EFHC2: variants seen among roughly 807,000 people sequenced by gnomAD.
The protein encoded by EFHC2 is EF-hand domain-containing family member C2.
EFHC2 carries 18 observed loss-of-function variants against 52.7 expected under a neutral mutation model. That is an observed-to-expected ratio of 0.34 (90% CI 0.24 to 0.51). EFHC2 has a LOEUF of 0.51. Among genes scored for constraint, EFHC2 ranks in the 20% least tolerant of loss-of-function variants. The pLI, the probability that EFHC2 is intolerant of heterozygous loss-of-function variation, is 0.97. For missense variants in EFHC2, 513 were observed against 562.5 expected (o/e 0.91, Z 0.89); for synonymous variants, 203 against 204.1 (o/e 0.99, Z 0.04).
At position 44,245,584 on chromosome X, in the gene EFHC2, A is replaced by G. The variant is rs144308934; in HGVS notation, c.1111+2688T>C. The stretch of plus-strand genomic sequence containing the variant: ...TGGCAGGCAAGCCAGGGCCAGCAGG[A>G]TGGCCAAACTGTCTGATGGAGGGGG... On this transcript the variant is annotated intron_variant, in intron 7 of 14. Coordinates refer to ENST00000420999, the MANE Select transcript of EFHC2 (RefSeq NM_025184.4). Among the ~76,000 whole-genome samples the G allele has an allele frequency of 6.8e-3, 763 of 112,215 alleles. 5 individuals carry two copies. Among genetic ancestry groups the G allele is most frequent in the Non-Finnish European group, 9.8e-3 (519 of 53,200 alleles).
At chrX:44,154,703 C>CAAAA (rs2036594807) in intron 14 of EFHC2, among the ~76,000 whole-genome samples, 1 of 108,759 alleles carries the variant, frequency 9.2e-6, no homozygotes, top group Non-Finnish European at 1.9e-5. Context: ...GACCCTGTCC[C>CAAAA]AAAACAAAAC....
At chrX:44,326,704 T>A (rs200626124) in intron 1 of EFHC2, among the ~76,000 whole-genome samples, 1 of 106,537 alleles carries the variant, frequency 9.4e-6, no homozygotes, top group Non-Finnish European at 1.9e-5. Context: ...CCCTATTTTA[T>A]GCATGGAGTC....
At chrX:44,196,709 A>T (rs988229397) in intron 11 of EFHC2, among the ~76,000 whole-genome samples, 4 of 112,099 alleles carry the variant, frequency 3.6e-5, no homozygotes, top group Non-Finnish European at 7.5e-5. Flanking sequence ...TGCTTTCTAG[A>T]CCCAGAGTGT....
chrX:44,274,699 G>A (rs987229725), intron 2 of EFHC2, among the ~76,000 whole-genome samples: 3 of 110,431 alleles, frequency 2.7e-5, no homozygotes, highest in Non-Finnish European at 5.7e-5. Flanking sequence ...GACCAGCCTG[G>A]GCAACATAAT....
intron 3 of EFHC2, among the ~76,000 whole-genome samples, chrX:44,262,562 T>C (rs1373002131): frequency 1.1e-5 from 1 of 92,597 alleles, no homozygotes; most frequent in African/African-American, 4.0e-5. Flanking sequence ...GAAAAAAGAA[T>C]TTGAAAAAAA....
intron 4 of EFHC2, among the ~76,000 whole-genome samples, chrX:44,260,192 T>G (rs892756800): frequency 9.0e-6 from 1 of 111,217 alleles, no homozygotes; most frequent in African/African-American, 3.3e-5. Context: ...CATCTCAATA[T>G]GGGGGTAGGT....
intron 14 of EFHC2, among the ~76,000 whole-genome samples, chrX:44,161,340 G>A (rs909073061): frequency 5.4e-5 from 6 of 111,810 alleles, no homozygotes; most frequent in African/African-American, 2.0e-4. Flanking sequence ...ATAGGGGCTA[G>A]TCCCCTGGGT....
intron 2 of EFHC2, among the ~76,000 whole-genome samples, chrX:44,306,038 G>T (rs892690783): frequency 9.0e-6 from 1 of 111,202 alleles, no homozygotes; most frequent in Non-Finnish European, 1.9e-5. Flanking sequence ...ACCCCATATG[G>T]CAGGATCCAG....
intron 8 of EFHC2, among the ~76,000 whole-genome samples, chrX:44,237,000 C>T (rs1324547131): frequency 1.8e-5 from 2 of 109,953 alleles, no homozygotes; most frequent in African/African-American, 6.6e-5. Context: ...GTTTTTCACA[C>T]GTTCAATATG....
intron 1 of EFHC2, among the ~76,000 whole-genome samples, chrX:44,314,597 C>A (rs928326608): frequency 6.3e-5 from 7 of 110,899 alleles, no homozygotes; most frequent in Admixed American, 1.9e-4. Context: ...TCCCTCCACT[C>A]TCTCTCTCTG....
intron 14 of EFHC2, among the ~76,000 whole-genome samples, chrX:44,151,984 T>C (rs1316458748): frequency 2.7e-5 from 3 of 111,798 alleles, no homozygotes; most frequent in Non-Finnish European, 5.6e-5. Context: ...ATATGAAATA[T>C]AACATTGTCA....
intron 11 of EFHC2, among the ~76,000 whole-genome samples, chrX:44,217,960 A>G (rs2037164304): frequency 9.0e-6 from 1 of 111,714 alleles, no homozygotes; most frequent in African/African-American, 3.3e-5. Flanking sequence ...TCCCATAAAT[A>G]TATACACCTA....
chrX:44,253,285 A>G (rs2037466833), intron 4 of EFHC2, among the ~76,000 whole-genome samples: 1 of 109,023 alleles, frequency 9.2e-6, no homozygotes, highest in Non-Finnish European at 1.9e-5. Flanking sequence ...AGTGAGACAG[A>G]ACTGCTCACT....
intron 1 of EFHC2, among the ~76,000 whole-genome samples, chrX:44,332,242 A>G (rs749856349): frequency 1.8e-5 from 2 of 111,527 alleles, no homozygotes; most frequent in African/African-American, 6.5e-5. Flanking sequence ...TTAACAGAAC[A>G]GTATGTTTCA....
Position 44,178,361 on chromosome X carries a change from G to A in EFHC2, c.1949+6C>T, listed in dbSNP as rs766090597. 3.3e-4 allele frequency: 387 copies of A among 1,160,496 alleles called. No homozygotes were observed. The highest frequency in any genetic ancestry group is 2.6e-4 in the Non-Finnish European group (222 of 864,429). On this transcript the variant is annotated splice_donor_region_variant and intron_variant, in intron 12 of 14. Transcript: ENST00000420999. ...AATGATTAGAATCAATAAAACAAAA[G>A]CTTACTTTTCTCGATCTTCATACAC... is the stretch of plus-strand genomic sequence containing the variant.
At chrX:44,172,581 T>C (rs1020641375) in intron 13 of EFHC2, among the ~76,000 whole-genome samples, 1 of 111,608 alleles carries the variant, frequency 9.0e-6, no homozygotes, top group African/African-American at 3.3e-5. Context: ...ATGAACGAGA[T>C]CTAGTCCCTA....
chrX:44,161,103 C>A (rs764555277), intron 14 of EFHC2, among the ~76,000 whole-genome samples: 98 of 111,334 alleles, frequency 8.8e-4, no homozygotes, highest in African/African-American at 3.0e-3. Flanking sequence ...GATAAAACCC[C>A]CAACACAGAG....
chrX:44,207,826 G>A (rs1232229787), intron 11 of EFHC2, among the ~76,000 whole-genome samples: 1 of 112,177 alleles, frequency 8.9e-6, no homozygotes, highest in Admixed American at 9.4e-5. Context: ...ACATTCGAAA[G>A]TGGGCAAAGA....
chrX:44,258,974 T>C (rs2037515607), intron 4 of EFHC2, among the ~76,000 whole-genome samples: 2 of 111,472 alleles, frequency 1.8e-5, no homozygotes, highest in Admixed American at 1.9e-4. Context: ...GTTCAACCAT[T>C]GTGGAAGACA....
Sources: gnomAD v4.1 joint callset for allele counts (sites outside exome capture counted in the v4.1 genomes callset) on GRCh38, gnomAD v4.1.1 for gene constraint, MANE v1.5 for transcripts, NCBI Gene and HGNC (gene_info 2026-07-23, HGNC 2026-07-21) for gene names.